The following MAN2C1 variants were observed in gnomAD, a reference collection of about 807,000 sequenced individuals.
MAN2C1 encodes the protein mannosidase alpha class 2C member 1.
In MAN2C1, 111 loss-of-function variants were observed where a neutral mutation model predicts 126.9. The observed-to-expected ratio is 0.87, with a 90% CI of 0.75 to 1.02. The LOEUF is 1.02. MAN2C1 is among the 50% of genes least tolerant of loss of function. The pLI, the probability that MAN2C1 is intolerant of heterozygous loss-of-function variation, is 0.00. For missense variants in MAN2C1, 1,363 were observed against 1,364.4 expected (o/e 1.00, Z 0.02); for synonymous variants, 567 against 561.5 (o/e 1.01, Z -0.14).
Position 75,356,796 on chromosome 15 carries a change from G to A in MAN2C1, c.2654C>T (p.Ser885Leu), listed in dbSNP as rs369564386. ...ASVRGSILSL[S>L]LLRAPKAPDA... ...GCCTGGTGGGTACCCCACTTACAGC[G>A]AGAGGCTGAGGATGCTGCCTCGCAC... The change falls in exon 22 of 26, where the codon TCG becomes TTG. Residue 885 changes from serine to leucine, a missense_variant. Around this residue, in one of 3 missense-constraint regions of MAN2C1, gnomAD observed 668 missense variants for 650.1 expected, o/e 1.03. Coordinates refer to ENST00000267978, the MANE Select transcript of MAN2C1 (RefSeq NM_006715.4). The surrounding 1 kb of genome is among the most constrained non-coding windows in gnomAD (Gnocchi z 5.8). The A allele has an allele frequency of 1.0e-4, 166 of 1,613,926 alleles. No individual in the cohort carries two copies. The highest frequency in any genetic ancestry group is 6.9e-5 in the Non-Finnish European group (82 of 1,180,034).
chr15:75,368,012 G>T, intron 2 of MAN2C1, 61 bp downstream of exon 2: 1 of 1,533,938 alleles, frequency 6.5e-7, no homozygotes, highest in African/African-American at 1.4e-5. Flanking sequence ...GGTGTGGCTG[G>T]GAGCTGGGTT....
chr15:75,361,314 G>T lies in MAN2C1; in HGVS notation c.1286C>A (p.Ser429Tyr), dbSNP rs190831970. ...RVLVHFPPGD[S>Y]YGMQGSVEEV... ...CTCCACGCTGCCCTGCATCCCATAG[G>T]AGTCGCCAGGTGGGAAGTGGACCAG... Residue 429 changes from serine to tyrosine, a missense_variant, in exon 11 of 26, where the codon TCC becomes TAC. Physicochemically the swap from Ser to Tyr is moderately radical, Grantham distance 144. Transcript: ENST00000267978. This position sits in a 1 kb window ranked among gnomAD's most constrained non-coding sequence, Gnocchi z 5.0. 11 of 1,569,082 alleles carry T rather than the reference G, an allele frequency of 7.0e-6. No homozygotes were observed. The East Asian group carries it at 2.3e-4, about 33-fold the overall frequency.
rs747746852 is a variant in MAN2C1 at position 75,364,686 on chromosome 15, C to T, written c.423-21G>A. 4 of 1,594,310 alleles carry T rather than the reference C, an allele frequency of 2.5e-6. No individual in the cohort carries two copies. The African/African-American group carries it at 4.0e-5, about 16-fold the overall frequency. On this transcript the variant is annotated intron_variant, in intron 4 of 25. Coordinates refer to ENST00000267978, the MANE Select transcript of MAN2C1 (RefSeq NM_006715.4). Reference sequence around the variant, plus strand: ...TGAGGCTACAAAGATGGGGAGACAGCCTCAGGCTAAGGGACTGGCACAGTA... The same window carrying T: ...TGAGGCTACAAAGATGGGGAGACAGTCTCAGGCTAAGGGACTGGCACAGTA...
rs1251971985 is a variant in MAN2C1 at position 75,360,556 on chromosome 15, C to A, written c.1584+9G>T. The A allele has an allele frequency of 6.2e-7, 1 of 1,613,248 alleles. No individual in the cohort carries two copies. Among genetic ancestry groups the A allele is most frequent in the Admixed American group, 1.7e-5 (1 of 59,998 alleles). ...CCCTCCCTGCACAGCCCTGCAACCT[C>A]CCCCTGACCTGGGCATGGGTGGTGT... On this transcript the variant is annotated intron_variant, in intron 13 of 25. Coordinates refer to ENST00000267978, the MANE Select transcript of MAN2C1 (RefSeq NM_006715.4).
At chr15:75,357,189 G>A in intron 21 of MAN2C1, 2 of 362,724 alleles carry the variant, frequency 5.5e-6, no homozygotes, top group Non-Finnish European at 1.0e-5. Context: ...TGTCACCCAG[G>A]CTGGAGTGCA....
Position 75,359,092 on chromosome 15 carries a change from C to G in MAN2C1, c.2108G>C (p.Arg703Pro), listed in dbSNP as rs766074444. 8.1e-6 allele frequency: 13 copies of G among 1,614,042 alleles called. No individual in the cohort carries two copies. The highest frequency in any genetic ancestry group is 1.0e-5 in the Non-Finnish European group (12 of 1,180,026). ...GGCCACCAGGACCAAGGACGTCAGG[C>G]GACCAGTTGGGTCCAGCTTCACTCG... ...IIRVKLDPTG[R>P]LTSLVLVASG... is the part of the protein sequence containing the mutation. The change falls in exon 18 of 26, where the codon CGC (arginine) becomes CCC (proline). Residue 703 changes from arginine to proline, a missense_variant. This residue lies in a region of MAN2C1 where 668 missense variants were observed against 650.1 expected (regional missense o/e 1.03). Coordinates refer to ENST00000267978, the MANE Select transcript of MAN2C1 (RefSeq NM_006715.4).
In MAN2C1 at chr15:75,362,006, C is replaced by A. The variant is rs372780291; in HGVS notation, c.1009-59G>T. On this transcript the variant is annotated intron_variant, in intron 8 of 25. Transcript: ENST00000267978. The surrounding 1 kb of genome is among the most constrained non-coding windows in gnomAD (Gnocchi z 4.5). ...CAGCGCTGGACGGGGAGCAGGCAGGCGCTCAGGCCAACCCAATCCCTGCAG... is the reference window on the plus strand; with the variant it reads ...CAGCGCTGGACGGGGAGCAGGCAGGAGCTCAGGCCAACCCAATCCCTGCAG... 4 of 1,315,876 alleles carry A rather than the reference C, an allele frequency of 3.0e-6. No homozygotes were observed. Among genetic ancestry groups the A allele is most frequent in the Non-Finnish European group, 4.4e-6 (4 of 911,672 alleles). 81.5% of individuals were successfully genotyped at this position (1,315,876 alleles called of 1,614,324 possible). A position where few individuals can be genotyped will look rare whatever the true frequency, so the allele number is the denominator to read the frequency against.
At position 75,356,373 on chromosome 15, in the gene MAN2C1, G is replaced by A. The variant is rs369998431; in HGVS notation, c.2814C>T (p.Ser938=). 3 of 1,611,640 alleles carry A rather than the reference G, an allele frequency of 1.9e-6. No homozygotes were observed. Among genetic ancestry groups the A allele is most frequent in the African/African-American group, 2.7e-5 (2 of 74,878 alleles). ...CACTCCAGGAGGTGGCGGGCGCTGG[G>A]CTGGGGGCTGGCAGAGCCAACAGGG... ...NFPLLALPAP[S]PAPATSWSAF... is the part of the protein sequence containing the mutation. The change falls in exon 24 of 26, where the codon AGC becomes AGT. Residue 938 remains serine (S), a synonymous_variant. Transcript: ENST00000267978. This position sits in a 1 kb window ranked among gnomAD's most constrained non-coding sequence, Gnocchi z 5.8.
In MAN2C1 at chr15:75,361,081, G is replaced by A. The variant is rs375703822; in HGVS notation, c.1425C>T (p.Arg475=). ...CATCCGTATTGCTCAGGCGCTTCAG[G>A]CGGTCCAGCATGGTCTGGGTGGGGC... The part of the protein sequence containing the change: ...GGGPTQTMLD[R]LKRLSNTDGL... The change falls in exon 12 of 26, where the codon CGC becomes CGT. Residue 475 remains arginine, a synonymous_variant. Transcript: ENST00000267978. This position sits in a 1 kb window ranked among gnomAD's most constrained non-coding sequence, Gnocchi z 5.0. The A allele has an allele frequency of 9.9e-6, 16 of 1,612,160 alleles. No homozygotes were observed. Among genetic ancestry groups the A allele is most frequent in the Non-Finnish European group, 1.3e-5 (15 of 1,179,362 alleles).
chr15:75,368,179 G>C lies in MAN2C1; in HGVS notation c.121C>G (p.Pro41Ala). 1 of 1,604,782 alleles carries C rather than the reference G, an allele frequency of 6.2e-7. No homozygotes were observed. The highest frequency in any genetic ancestry group is 1.1e-5 in the South Asian group (1 of 89,938). Reference protein sequence around the residue: ...LRGRLFGASCPVAVLSSFLTP... With the variant: ...LRGRLFGASCAVAVLSSFLTP... ...AGGAAGCTGGAGAGCACAGCCACAG[G>C]GCAGCTGGCCCCAAAAAGCCTGCGT... Residue 41 changes from proline (P) to alanine (A), a missense_variant, in exon 2 of 26, where the codon CCT becomes GCT. This residue lies in a region of MAN2C1 where 628 missense variants were observed against 609.8 expected (regional missense o/e 1.03). Coordinates refer to ENST00000267978, the MANE Select transcript of MAN2C1 (RefSeq NM_006715.4).
intron 5 of MAN2C1, 139 bp from the exon 6 acceptor site, chr15:75,364,327 T>TCC: frequency 8.1e-7 from 1 of 1,240,066 alleles, no homozygotes; most frequent in Non-Finnish European, 1.1e-6. Flanking sequence ...CAGCACCGTC[T>TCC]CCCTCCTCCC....
chr15:75,362,573 C>G lies in MAN2C1; in HGVS notation c.897+69G>C. 1 of 1,559,296 alleles carries G rather than the reference C, an allele frequency of 6.4e-7. No individual in the cohort carries two copies. Among genetic ancestry groups the G allele is most frequent in the Admixed American group, 1.7e-5 (1 of 57,514 alleles). ...CAGCCCTGACCCCAGGCCTGGGAAG[C>G]CTTCAGGGCCTGTGGAGCTCCAGGG... is the stretch of plus-strand genomic sequence containing the variant. On this transcript the variant is annotated intron_variant, in intron 7 of 25. Transcript: ENST00000267978. The surrounding 1 kb of genome is among the most constrained non-coding windows in gnomAD (Gnocchi z 4.5).
In MAN2C1 at chr15:75,356,015, C is replaced by A. The variant is rs199637132; in HGVS notation, c.3014G>T (p.Arg1005Leu). ...GGTCAAGTGGCCAGCAGGGTCTGGT[C>A]GCTCCAAGAGATCGCAGCTGGAGAA... Reference protein sequence around the residue: ...QEAILCDLLERPDPAGHLTLR... With the variant: ...QEAILCDLLELPDPAGHLTLR... The change falls in exon 26 of 26, where the codon CGA (arginine) becomes CTA (leucine). Residue 1005 changes from arginine to leucine, a missense_variant. Around this residue, in one of 3 missense-constraint regions of MAN2C1, gnomAD observed 668 missense variants for 650.1 expected, o/e 1.03. Transcript: ENST00000267978. The surrounding 1 kb of genome is among the most constrained non-coding windows in gnomAD (Gnocchi z 5.8). The A allele has an allele frequency of 3.1e-6, 5 of 1,613,898 alleles. No individual in the cohort carries two copies. In the East Asian group the frequency reaches 8.9e-5, roughly 29 times the overall value.
rs1595881154 is a variant in MAN2C1, at chr15:75,368,538, G to A, written c.46C>T (p.Arg16Trp). 1 of 1,554,216 alleles carries A rather than the reference G, an allele frequency of 6.4e-7. No homozygotes were observed. Among genetic ancestry groups the A allele is most frequent in the South Asian group, 1.2e-5 (1 of 84,394 alleles). ...AGCGGCGACACGAACTTCTCCACCC[G>A]CTCCAGCGTGGTGCGCCAGTGCTTC... ...ALKHWRTTLE[R>W]VEKFVSPLYF... is the part of the protein sequence containing the mutation. The change falls in exon 1 of 26, where the codon CGG becomes TGG. Residue 16 changes from arginine (R) to tryptophan (W), a missense_variant. Arg to Trp is a moderately radical substitution (Grantham distance 101). Transcript: ENST00000267978.
chr15:75,359,303 G>GC, intron 17 of MAN2C1, 25 bp downstream of exon 17: 1 of 1,576,392 alleles, frequency 6.3e-7, no homozygotes. Context: ...CACAGTTCCT[G>GC]CCCCCCAGGG....
At position 75,356,507 on chromosome 15, in the gene MAN2C1, C is replaced by A; in HGVS notation, c.2738-58G>T. The A allele has an allele frequency of 1.9e-6, 3 of 1,561,966 alleles. No individual in the cohort carries two copies. Among genetic ancestry groups the A allele is most frequent in the East Asian group, 2.3e-5 (1 of 43,442 alleles). ...GAATGGGGGCTACCCTCCCCTGTCCCTAGAAGGGGCAGGAAGCCAGGTTGC... is the reference window on the plus strand; with the variant it reads ...GAATGGGGGCTACCCTCCCCTGTCCATAGAAGGGGCAGGAAGCCAGGTTGC... On this transcript the variant is annotated intron_variant, in intron 23 of 25. Transcript: ENST00000267978. The surrounding 1 kb of genome is among the most constrained non-coding windows in gnomAD (Gnocchi z 5.8).
intron 4 of MAN2C1, among the ~76,000 whole-genome samples, chr15:75,365,128 C>T (rs1380988445): frequency 1.3e-5 from 2 of 152,156 alleles, no homozygotes; most frequent in African/African-American, 4.8e-5. Flanking sequence ...ACACGACTTC[C>T]TTAGGGAGGC....
intron 2 of MAN2C1, 58 bp from the exon 3 acceptor site, chr15:75,367,692 C>G (rs765789287): frequency 5.6e-6 from 9 of 1,599,598 alleles, no homozygotes; most frequent in Admixed American, 1.7e-5. Context: ...GATATCCTTC[C>G]TTGGATAAAG....
rs754293343 is a variant in MAN2C1, at chr15:75,358,736, T to C, written c.2214A>G (p.Ala738=). 2.0e-6 allele frequency: 3 copies of C among 1,476,664 alleles called. No homozygotes were observed. The African/African-American group carries it at 4.2e-5, about 21-fold the overall frequency. The allele number at this position is 1,476,664 out of a possible 1,614,324, so 91.5% of individuals were successfully genotyped here. The stretch of plus-strand genomic sequence containing the variant: ...CCAGGTGGTAGTCCATGACGTCCCA[T>C]GCATCCCAGTACAAGGGGACATCAT... ...LFDDVPLYWD[A]WDVMDYHLET... The change falls in exon 19 of 26, where the codon GCA becomes GCG. Residue 738 remains alanine (A), a synonymous_variant. Coordinates refer to ENST00000267978, the MANE Select transcript of MAN2C1 (RefSeq NM_006715.4).
Sources: allele counts gnomAD v4.1 joint callset (sites outside exome capture counted in the v4.1 genomes callset), GRCh38; gene constraint gnomAD v4.1.1; regional missense constraint gnomAD v4.1.1; non-coding constraint Gnocchi (gnomAD v3.1); transcripts MANE v1.5; gene names NCBI Gene and HGNC (gene_info 2026-07-23, HGNC 2026-07-21).